CD160: variants seen among roughly 807,000 people sequenced by gnomAD.
The protein encoded by CD160 is CD160 molecule, also known as CD160 antigen.
CD160 carries 11 observed loss-of-function variants against 19.2 expected under a neutral mutation model. The observed-to-expected ratio is 0.57, with a 90% CI of 0.36 to 0.95. The LOEUF is 0.95. CD160 is among the 40% of genes least tolerant of loss of function. The pLI, the probability that CD160 is intolerant of heterozygous loss-of-function variation, is 0.01. For missense variants in CD160, 182 were observed against 213.2 expected, an observed-to-expected ratio of 0.85 and a Z score of 0.91; for synonymous variants, 75 against 81.1, an observed-to-expected ratio of 0.93 and a Z score of 0.40.
At chr1:145,721,860 T>A (rs1656864940) in intron 1 of CD160, among the ~76,000 whole-genome samples, 1 of 152,174 alleles carries the variant, frequency 6.6e-6, no homozygotes, top group Admixed American at 6.5e-5. Flanking sequence ...GAATTTCTCC[T>A]GTGCTGCCCC....
intron 2 of CD160, among the ~76,000 whole-genome samples, chr1:145,727,322 AGATT>A (rs1346420733): frequency 7.7e-6 from 1 of 130,658 alleles, no homozygotes; most frequent in Non-Finnish European, 1.6e-5. Context: ...TTTGTCACAT[AGATT>A]AATTGAAACT....
Position 145,738,417 on chromosome 1 carries a change from C to T in CD160, c.539-69C>T, listed in dbSNP as rs1211329262. On this transcript the variant is annotated intron_variant, in intron 5 of 5. Coordinates refer to ENST00000369288, the MANE Select transcript of CD160 (RefSeq NM_007053.4). ...CGCACGCATCTCAGGACAGGTGAGA[C>T]TTCATTATATCAGGTATTTTGTTGC... is the stretch of plus-strand genomic sequence containing the variant. 3 of 1,105,186 alleles carry T rather than the reference C, an allele frequency of 2.7e-6. No individual in the cohort carries two copies. The African/African-American group carries it at 4.8e-5, about 18-fold the overall frequency. The allele number at this position is 1,105,186 out of a possible 1,614,324, so 68.5% of individuals were successfully genotyped here.
At position 145,726,540 on chromosome 1, in the gene CD160, A is replaced by C. The variant is rs1421130219; in HGVS notation, c.-73+1634A>C. On this transcript the variant is annotated intron_variant, in intron 2 of 5. Coordinates refer to ENST00000369288, the MANE Select transcript of CD160 (RefSeq NM_007053.4). ...AGTAGGAGTTGAACAATGAGAACAC[A>C]TGAACCCAGGGTGGGGAACATCACA... Among the ~76,000 whole-genome samples, 3 of 152,192 alleles carry C rather than the reference A, an allele frequency of 2.0e-5. No homozygotes were observed. In the East Asian group the frequency reaches 5.8e-4, roughly 29 times the overall value.
chr1:145,732,268 C>CA (rs1657326843), intron 4 of CD160, among the ~76,000 whole-genome samples: 1 of 152,106 alleles, frequency 6.6e-6, no homozygotes, highest in Admixed American at 6.5e-5. Flanking sequence ...TGCAATGACT[C>CA]AAAAAAATTT....
intron 1 of CD160, among the ~76,000 whole-genome samples, chr1:145,723,564 G>T (rs1160642031): frequency 2.0e-5 from 3 of 152,030 alleles, no homozygotes; most frequent in African/African-American, 7.2e-5. Flanking sequence ...CTCACCAGTG[G>T]GTCTTCACCT....
chr1:145,732,339 G>A lies in CD160; in HGVS notation c.400+1269G>A, dbSNP rs1371073424. On this transcript the variant is annotated intron_variant, in intron 4 of 5. Coordinates refer to ENST00000369288, the MANE Select transcript of CD160 (RefSeq NM_007053.4). ...GGATGTGCTTCAGTAAAACAAGAAA[G>A]TGAATCCATAAAGGGGATAAAATGA... 4.6e-5 allele frequency among the ~76,000 whole-genome samples: 7 copies of A among 152,100 alleles called. No individual in the cohort carries two copies. The East Asian group carries it at 1.3e-3, about 29-fold the overall frequency.
chr1:145,732,961 A>G (rs587636820), intron 4 of CD160, among the ~76,000 whole-genome samples: 38 of 152,288 alleles, frequency 2.5e-4, no homozygotes, highest in African/African-American at 7.9e-4. Context: ...ATCACTAGGA[A>G]GCAGCAATAT....
At chr1:145,724,259 T>C (rs1477116784) in intron 1 of CD160, among the ~76,000 whole-genome samples, 1 of 152,224 alleles carries the variant, frequency 6.6e-6, no homozygotes, top group African/African-American at 2.4e-5. Context: ...TCAGATACTC[T>C]TTTATTGTTT....
chr1:145,725,754 C>T, intron 2 of CD160, among the ~76,000 whole-genome samples: 1 of 151,956 alleles, frequency 6.6e-6, no homozygotes, highest in East Asian at 1.9e-4. Context: ...CCCCATTAAA[C>T]TTAGAAAAAA....
At chr1:145,727,425 A>G (rs901146570) in intron 2 of CD160, among the ~76,000 whole-genome samples, 4 of 152,118 alleles carry the variant, frequency 2.6e-5, no homozygotes, top group Admixed American at 2.0e-4. Flanking sequence ...TTTCTTAGCC[A>G]GGATTAGAAG....
chr1:145,728,499 CTCTT>C (rs1349932532), intron 3 of CD160, 99 bp downstream of exon 3: 4 of 447,516 alleles, frequency 8.9e-6, no homozygotes, highest in South Asian at 2.9e-5. Flanking sequence ...AAACAAAGGA[CTCTT>C]TTTTTTTTTT....
rs1405104952 is a variant in CD160 at position 145,730,888 on chromosome 1, G to A, written c.218G>A (p.Ser73Asn). The stretch of plus-strand genomic sequence containing the variant: ...TCTGGAGACTGTTCTCCTGAGACCA[G>A]TTTAAAACAGCTGAGACTTAAAAGG... Reference protein sequence around the residue: ...DRSGDCSPETSLKQLRLKRDP... With the variant: ...DRSGDCSPETNLKQLRLKRDP... The change falls in exon 4 of 6, where the codon AGT (serine) becomes AAT (asparagine). Residue 73 changes from serine to asparagine, a missense_variant. Physicochemically the swap from Ser to Asn is conservative, Grantham distance 46. Transcript: ENST00000369288. 1 of 1,613,958 alleles carries A rather than the reference G, an allele frequency of 6.2e-7. No individual in the cohort carries two copies. The highest frequency in any genetic ancestry group is 8.5e-7 in the Non-Finnish European group (1 of 1,180,020).
intron 2 of CD160, among the ~76,000 whole-genome samples, chr1:145,727,224 T>G (rs1657084100): frequency 6.6e-6 from 1 of 152,086 alleles, no homozygotes; most frequent in African/African-American, 2.4e-5. Flanking sequence ...AATTGCAATT[T>G]GCCCTTTTTG....
intron 5 of CD160, 55 bp downstream of exon 5, chr1:145,736,189 T>C: frequency 6.2e-7 from 1 of 1,612,606 alleles, no homozygotes. Flanking sequence ...ATTATATTTC[T>C]GCCACCTTGG....
chr1:145,729,427 G>A (rs1422902790), intron 3 of CD160, among the ~76,000 whole-genome samples: 5 of 152,326 alleles, frequency 3.3e-5, no homozygotes, highest in African/African-American at 1.2e-4. Flanking sequence ...TCAGCAGAGA[G>A]CTGGATTTAA....
Position 145,735,902 on chromosome 1 carries a change from T to C in CD160, c.401-95T>C, listed in dbSNP as rs1335302704. On this transcript the variant is annotated intron_variant, in intron 4 of 5. Coordinates refer to ENST00000369288, the MANE Select transcript of CD160 (RefSeq NM_007053.4). ...AACGAATTACAGAGGGAGGAATCCT[T>C]GGAGATCATAAAAGAGATGTTATGA... 1.1e-5 allele frequency: 9 copies of C among 856,644 alleles called. No individual in the cohort carries two copies. The African/African-American group carries it at 1.5e-4, about 14-fold the overall frequency. 53.1% of individuals were successfully genotyped at this position (856,644 alleles called of 1,614,324 possible).
At chr1:145,727,733 C>T (rs904650111) in intron 2 of CD160, among the ~76,000 whole-genome samples, 4 of 152,122 alleles carry the variant, frequency 2.6e-5, no homozygotes, top group Non-Finnish European at 5.9e-5. Flanking sequence ...TATGAACACA[C>T]AATTCACAGA....
intron 4 of CD160, among the ~76,000 whole-genome samples, chr1:145,732,721 T>C (rs782105244): frequency 2.6e-5 from 4 of 152,164 alleles, no homozygotes; most frequent in Non-Finnish European, 4.4e-5. Context: ...AATCAGGCTC[T>C]AGAAAAAACT....
Position 145,731,088 on chromosome 1 carries a change from C to T in CD160, c.400+18C>T. ...ATTCACAGGTGAGTGCTCAAATACT[C>T]CTAATGCCACCAGGTGGGACAGTGA... is the stretch of plus-strand genomic sequence containing the variant. On this transcript the variant is annotated intron_variant, in intron 4 of 5. Transcript: ENST00000369288. 1 of 1,589,260 alleles carries T rather than the reference C, an allele frequency of 6.3e-7. No individual in the cohort carries two copies. Among genetic ancestry groups the T allele is most frequent in the South Asian group, 1.1e-5 (1 of 89,460 alleles).
Sources: gnomAD v4.1 joint callset for allele counts (sites outside exome capture counted in the v4.1 genomes callset) on GRCh38, gnomAD v4.1.1 for gene constraint, MANE v1.5 for transcripts, NCBI Gene and HGNC (gene_info 2026-07-23, HGNC 2026-07-21) for gene names.